Variants in USP34 observed in about 807,000 individuals in gnomAD.
The protein encoded by USP34 is ubiquitin carboxyl-terminal hydrolase 34.
Under a neutral mutation model 460.3 loss-of-function variants are expected in USP34, and 70 were observed. That is an observed-to-expected ratio of 0.15 (90% confidence interval 0.13 to 0.19). USP34 has a LOEUF of 0.19. Among genes scored for constraint, USP34 ranks in the 10% least tolerant of loss-of-function variants. The pLI, the probability that USP34 is intolerant of heterozygous loss-of-function variation, is 1.00. For synonymous variants in USP34, 1,647 were observed against 1,405.3 expected, an observed-to-expected ratio of 1.17 and a Z score of -3.85; for missense variants, 3,985 against 4,236.2, an observed-to-expected ratio of 0.94 and a Z score of 1.65.
intron 1 of USP34, among the ~76,000 whole-genome samples, chr2:61,436,715 A>C (rs1260274541): frequency 1.3e-5 from 2 of 152,214 alleles, no homozygotes; most frequent in African/African-American, 2.4e-5. Context: ...AGAACATTTC[A>C]CCTAATAGCA....
chr2:61,403,674 G>T (rs773044538), intron 3 of USP34, among the ~76,000 whole-genome samples: 1 of 152,018 alleles, frequency 6.6e-6, no homozygotes, highest in East Asian at 1.9e-4. Flanking sequence ...CCCAGAGCAG[G>T]AGTGAGTGAA....
At chr2:61,199,704 T>A (rs1686913097) in intron 75 of USP34, among the ~76,000 whole-genome samples, 1 of 152,248 alleles carries the variant, frequency 6.6e-6, no homozygotes. Flanking sequence ...CTTTATCATC[T>A]ACCAAGTCCT....
chr2:61,274,287 G>A (rs1291338715), intron 41 of USP34, among the ~76,000 whole-genome samples: 2 of 152,018 alleles, frequency 1.3e-5, no homozygotes, highest in Non-Finnish European at 2.9e-5. Flanking sequence ...CTAGTAGGGA[G>A]GCTGAGGCAG....
At chr2:61,315,375 T>A (rs940191136) in intron 23 of USP34, among the ~76,000 whole-genome samples, 2 of 142,752 alleles carry the variant, frequency 1.4e-5, no homozygotes, top group Non-Finnish European at 3.1e-5. Flanking sequence ...TCTCACCCAA[T>A]TTTTTTTTTT....
intron 3 of USP34, among the ~76,000 whole-genome samples, chr2:61,396,355 C>G (rs375706998): frequency 6.6e-6 from 1 of 152,140 alleles, no homozygotes; most frequent in Non-Finnish European, 1.5e-5. Context: ...CCCAGCAATT[C>G]TAGCTTTTTG....
intron 2 of USP34, among the ~76,000 whole-genome samples, chr2:61,412,938 T>A (rs142436625): frequency 2.1e-5 from 3 of 142,828 alleles, no homozygotes; most frequent in Non-Finnish European, 4.6e-5. Context: ...TCAAGAAGGG[T>A]ACAATATCTG....
chr2:61,279,440 G>C (rs1462380748), intron 39 of USP34, among the ~76,000 whole-genome samples: 1 of 152,062 alleles, frequency 6.6e-6, no homozygotes, highest in Non-Finnish European at 1.5e-5. Context: ...AAAAACGCAA[G>C]TCTTTAAGTG....
chr2:61,256,601 T>C, intron 47 of USP34, 123 bp from the exon 48 acceptor site: 1 of 711,000 alleles, frequency 1.4e-6, no homozygotes. Context: ...AAAAGTGAAT[T>C]CTTAAATTTT....
chr2:61,350,168 T>G (rs1691903941), intron 12 of USP34, 92 bp downstream of exon 12: 1 of 1,343,946 alleles, frequency 7.4e-7, no homozygotes, highest in Non-Finnish European at 1.0e-6. Flanking sequence ...TATTTTAAAA[T>G]AAAGATTGAA....
intron 68 of USP34, among the ~76,000 whole-genome samples, chr2:61,213,312 G>T (rs1223772545): frequency 6.6e-6 from 1 of 152,000 alleles, no homozygotes; most frequent in East Asian, 1.9e-4. Flanking sequence ...GCCGGCCTGG[G>T]ATTCTAATTT....
chr2:61,359,447 C>T (rs367638552), intron 10 of USP34, among the ~76,000 whole-genome samples: 26 of 152,080 alleles, frequency 1.7e-4, no homozygotes, highest in African/African-American at 6.3e-4. Flanking sequence ...AATCAAAACA[C>T]ATCAAATACT....
chr2:61,265,153 T>C (rs765954269), intron 43 of USP34: 3 of 410,438 alleles, frequency 7.3e-6, no homozygotes, highest in African/African-American at 2.1e-5. Context: ...ATTCATTGTA[T>C]ACACTGAGCA....
intron 41 of USP34, among the ~76,000 whole-genome samples, chr2:61,272,722 C>T (rs942812227): frequency 4.6e-5 from 7 of 152,134 alleles, no homozygotes; most frequent in Admixed American, 2.6e-4. Context: ...AACACTGAAA[C>T]GAAGGGGAAA....
intron 30 of USP34, among the ~76,000 whole-genome samples, chr2:61,296,141 T>G (rs1001308276): frequency 1.3e-5 from 2 of 152,092 alleles, no homozygotes; most frequent in African/African-American, 4.8e-5. Context: ...GCCTATGGTC[T>G]CAGCTACTGG....
At chr2:61,401,314 C>T (rs1033788023) in intron 3 of USP34, among the ~76,000 whole-genome samples, 6 of 151,866 alleles carry the variant, frequency 4.0e-5, no homozygotes, top group Non-Finnish European at 8.8e-5. Flanking sequence ...TCATAACTCA[C>T]TGCAGCTTTG....
chr2:61,225,163 GA>G (rs1377678262), intron 62 of USP34, among the ~76,000 whole-genome samples: 3 of 152,066 alleles, frequency 2.0e-5, no homozygotes, highest in Non-Finnish European at 4.4e-5. Flanking sequence ...AACTGCTACA[GA>G]TATTTCCAAT....
rs917288181 is a variant in USP34 at position 61,445,978 on chromosome 2, T to C, written c.43+24672A>G. On this transcript the variant is annotated intron_variant, in intron 1 of 79. Transcript: ENST00000398571. Reference sequence around the variant, plus strand: ...AAAAAAAAGTAATTAGTCTGTAACTTGGTGGGCACCTGTAATCCCAGCCAC... The same window carrying C: ...AAAAAAAAGTAATTAGTCTGTAACTCGGTGGGCACCTGTAATCCCAGCCAC... Among the ~76,000 whole-genome samples, 26 of 151,420 alleles carry C rather than the reference T, an allele frequency of 1.7e-4. 1 individual carries two copies. The highest frequency in any genetic ancestry group is 1.5e-3 in the Admixed American group (23 of 15,178).
At chr2:61,387,164 T>G (rs916079843) in intron 5 of USP34, among the ~76,000 whole-genome samples, 1 of 151,914 alleles carries the variant, frequency 6.6e-6, no homozygotes, top group African/African-American at 2.4e-5. Flanking sequence ...CATTAGTCGT[T>G]AGAAATATAT....
intron 75 of USP34, among the ~76,000 whole-genome samples, chr2:61,202,085 A>C (rs1353758380): frequency 1.3e-5 from 2 of 152,200 alleles, no homozygotes; most frequent in East Asian, 1.9e-4. Context: ...TCAAATCTAA[A>C]AATGCTCTAA....
Sources: gnomAD v4.1 joint callset for allele counts (sites outside exome capture counted in the v4.1 genomes callset) on GRCh38, gnomAD v4.1.1 for gene constraint, MANE v1.5 for transcripts, NCBI Gene and HGNC (gene_info 2026-07-23, HGNC 2026-07-21) for gene names.